CEP152: variants seen among roughly 807,000 people sequenced by gnomAD.
The protein encoded by CEP152 is centrosomal protein of 152 kDa.
Under a neutral mutation model 188.9 loss-of-function variants are expected in CEP152, and 132 were observed. The observed-to-expected ratio is 0.70, with a 90% CI of 0.61 to 0.81. The LOEUF (loss-of-function observed/expected upper bound fraction) is 0.81. Among genes scored for constraint, CEP152 ranks in the 30% least tolerant of loss-of-function variants. The pLI, the probability that CEP152 is intolerant of heterozygous loss-of-function variation, is 0.00. For missense variants in CEP152, 1,914 were observed against 1,969.8 expected, an observed-to-expected ratio of 0.97 and a Z score of 0.54; for synonymous variants, 649 against 666.6, an observed-to-expected ratio of 0.97 and a Z score of 0.41.
chr15:48,775,148 G>A (rs1032928333), intron 12 of CEP152, among the ~76,000 whole-genome samples: 2 of 151,852 alleles, frequency 1.3e-5, no homozygotes, highest in Non-Finnish European at 2.9e-5. Flanking sequence ...TCAAGAAACT[G>A]TAGTATAATA....
chr15:48,735,829 G>GA (rs1365472537), downstream of CEP152, among the ~76,000 whole-genome samples: 2 of 152,066 alleles, frequency 1.3e-5, no homozygotes, highest in African/African-American at 2.4e-5. Context: ...ATTGGCAATA[G>GA]AAAAACAAGA....
At chr15:48,797,627 C>T in intron 4 of CEP152, 34 bp downstream of exon 4, 5 of 1,613,972 alleles carry the variant, frequency 3.1e-6, no homozygotes, top group Non-Finnish European at 4.2e-6. Flanking sequence ...CCAGTCCCAC[C>T]CTCACCAAAG....
At chr15:48,807,769 AC>A (rs1186570627) in intron 1 of CEP152, among the ~76,000 whole-genome samples, 2 of 152,212 alleles carry the variant, frequency 1.3e-5, no homozygotes, top group Non-Finnish European at 2.9e-5. Context: ...TCCTTTATTA[AC>A]CTGCCATCAA....
chr15:48,753,450 AT>A (rs1894026474), intron 20 of CEP152, among the ~76,000 whole-genome samples: 1 of 152,232 alleles, frequency 6.6e-6, no homozygotes, highest in Non-Finnish European at 1.5e-5. Context: ...TATATGCCTG[AT>A]TCTAGAAGCC....
intron 21 of CEP152, among the ~76,000 whole-genome samples, chr15:48,749,202 G>C (rs1220958571): frequency 1.3e-5 from 2 of 152,030 alleles, no homozygotes; most frequent in Non-Finnish European, 2.9e-5. Flanking sequence ...TTGGTAAGTA[G>C]GTAGGTAGAT....
intron 13 of CEP152, among the ~76,000 whole-genome samples, chr15:48,769,391 A>C (rs906268456): frequency 1.3e-5 from 2 of 152,124 alleles, no homozygotes; most frequent in Non-Finnish European, 2.9e-5. Context: ...GTCTCCTCCA[A>C]TCTAGGACAG....
At chr15:48,765,791 C>A (rs1411594875) in intron 17 of CEP152, 1 of 325,268 alleles carries the variant, frequency 3.1e-6, no homozygotes, top group Non-Finnish European at 5.9e-6. Context: ...GTAGCTGGGA[C>A]TACAGGCGCG....
At chr15:48,759,220 G>A (rs903106701) in intron 19 of CEP152, among the ~76,000 whole-genome samples, 10 of 152,016 alleles carry the variant, frequency 6.6e-5, no homozygotes, top group Admixed American at 2.0e-4. Context: ...AAACTGAGTT[G>A]TTATTATGGT....
At chr15:48,733,310 A>G (rs928232610), downstream of CEP152, among the ~76,000 whole-genome samples, 23 of 152,152 alleles carry the variant, frequency 1.5e-4, no homozygotes, top group Admixed American at 7.2e-4. Context: ...AAATATGTCT[A>G]TCCCCAAAAT....
At chr15:48,801,694 CAT>C (rs1189785618) in intron 2 of CEP152, among the ~76,000 whole-genome samples, 1 of 152,194 alleles carries the variant, frequency 6.6e-6, no homozygotes, top group Non-Finnish European at 1.5e-5. Context: ...GCAGAAAGTA[CAT>C]GTCTACTCCA....
intron 20 of CEP152, among the ~76,000 whole-genome samples, chr15:48,755,077 A>C (rs1894160916): frequency 1.3e-5 from 2 of 152,084 alleles, no homozygotes; most frequent in South Asian, 4.2e-4. Flanking sequence ...CCATGCTCAG[A>C]ATATCATTCT....
At chr15:48,741,321 T>C in intron 26 of CEP152, 3 of 1,215,774 alleles carry the variant, frequency 2.5e-6, no homozygotes, top group Non-Finnish European at 3.1e-6. Flanking sequence ...AACCCACTTA[T>C]AATTTCTTCT....
At chr15:48,787,040 T>G (rs144699120) in intron 9 of CEP152, among the ~76,000 whole-genome samples, 1 of 152,074 alleles carries the variant, frequency 6.6e-6, no homozygotes, top group East Asian at 1.9e-4. Context: ...AACTTCAATG[T>G]TACCCTATGT....
chr15:48,764,067 A>G (rs1216345061), intron 17 of CEP152, among the ~76,000 whole-genome samples: 2 of 152,232 alleles, frequency 1.3e-5, no homozygotes, highest in African/African-American at 2.4e-5. Flanking sequence ...AACTGCTAAT[A>G]GCTCAATTCC....
chr15:48,733,608 A>C (rs1892497962), downstream of CEP152, among the ~76,000 whole-genome samples: 1 of 152,184 alleles, frequency 6.6e-6, no homozygotes, highest in African/African-American at 2.4e-5. Flanking sequence ...TAATTGAAGA[A>C]ATAGTGGCCA....
chr15:48,740,573 G>T (rs1260428616), intron 26 of CEP152: 1 of 99,034 alleles, frequency 1.0e-5, no homozygotes, highest in African/African-American at 4.0e-5. Flanking sequence ...TCCTTTACCA[G>T]TTTTAAAGTT....
intron 6 of CEP152, among the ~76,000 whole-genome samples, chr15:48,793,828 T>C (rs1459239247): frequency 6.6e-6 from 1 of 152,166 alleles, no homozygotes; most frequent in East Asian, 1.9e-4. Flanking sequence ...CAGTTAAAAA[T>C]CAGTATATAA....
chr15:48,773,525 A>C (rs1417911830), intron 12 of CEP152: 2 of 152,270 alleles, frequency 1.3e-5, no homozygotes, highest in Non-Finnish European at 2.9e-5. Context: ...ATATGAAGGG[A>C]AGAAATACTG....
chr15:48,776,352 T>C (rs996874100), intron 12 of CEP152, among the ~76,000 whole-genome samples: 1 of 152,070 alleles, frequency 6.6e-6, no homozygotes. Flanking sequence ...ATAAAAATTA[T>C]AAACAGGAAA....
Sources: gnomAD v4.1 joint callset for allele counts (sites outside exome capture counted in the v4.1 genomes callset) on GRCh38, gnomAD v4.1.1 for gene constraint, MANE v1.5 for transcripts, NCBI Gene and HGNC (gene_info 2026-07-23, HGNC 2026-07-21) for gene names.